The following EPB41L5 variants were observed in gnomAD, a reference collection of about 807,000 sequenced individuals.
EPB41L5 encodes erythrocyte membrane protein band 4.1 like 5, also known as band 4.1-like protein 5.
In EPB41L5, 55 loss-of-function variants were observed where a neutral mutation model predicts 106.6. The ratio of observed to expected loss-of-function variants is 0.52; its 90% CI spans 0.42 to 0.65. The LOEUF is 0.65. EPB41L5 is among the 30% of genes least tolerant of loss of function. The probability of loss-of-function intolerance (pLI) is 0.00; values close to 1 mark genes in which losing one functional copy is unlikely to be tolerated. For synonymous variants in EPB41L5, 297 were observed against 306.7 expected, an observed-to-expected ratio of 0.97 and a Z score of 0.33; for missense variants, 871 against 882.1, an observed-to-expected ratio of 0.99 and a Z score of 0.16.
intron 3 of EPB41L5, among the ~76,000 whole-genome samples, chr2:120,060,723 A>G (rs577821568): frequency 6.6e-6 from 1 of 152,282 alleles, no homozygotes; most frequent in East Asian, 1.9e-4. Flanking sequence ...TAAATGTGAT[A>G]AAATGACACA....
At chr2:120,024,159 T>C (rs1211815701) in intron 2 of EPB41L5, among the ~76,000 whole-genome samples, 1 of 152,202 alleles carries the variant, frequency 6.6e-6, no homozygotes, top group Non-Finnish European at 1.5e-5. Context: ...CCCATCTGAA[T>C]ACGCTTTATT....
chr2:120,035,992 T>C (rs1457566819), intron 2 of EPB41L5, among the ~76,000 whole-genome samples: 1 of 152,178 alleles, frequency 6.6e-6, no homozygotes, highest in Non-Finnish European at 1.5e-5. Flanking sequence ...TGTGGAAGGA[T>C]AATTGAGGTA....
At chr2:120,146,628 G>A (rs1174600198) in intron 20 of EPB41L5, among the ~76,000 whole-genome samples, 1 of 152,160 alleles carries the variant, frequency 6.6e-6, no homozygotes, top group East Asian at 1.9e-4. Flanking sequence ...CAATGGCCTT[G>A]TTCTTATCAA....
At chr2:120,120,469 A>AG (rs927306454) in intron 16 of EPB41L5, among the ~76,000 whole-genome samples, 5 of 151,394 alleles carry the variant, frequency 3.3e-5, no homozygotes, top group African/African-American at 1.2e-4. Flanking sequence ...ACAAGAAAAA[A>AG]GAAAAAAAAG....
At chr2:120,140,088 T>C (rs2105487810) in intron 18 of EPB41L5, among the ~76,000 whole-genome samples, 1 of 152,158 alleles carries the variant, frequency 6.6e-6, no homozygotes, top group East Asian at 1.9e-4. Context: ...TATGTTCTCA[T>C]TTATGGGAGC....
intron 2 of EPB41L5, among the ~76,000 whole-genome samples, chr2:120,027,172 C>T (rs1279561279): frequency 6.6e-6 from 1 of 152,170 alleles, no homozygotes; most frequent in Non-Finnish European, 1.5e-5. Context: ...TACCACCTGA[C>T]CCAACAGTTA....
chr2:120,048,916 G>A (rs1010187455), intron 3 of EPB41L5, among the ~76,000 whole-genome samples: 15 of 152,050 alleles, frequency 9.9e-5, no homozygotes, highest in African/African-American at 1.4e-4. Flanking sequence ...CCTTCATTTC[G>A]TTAGGTACCC....
chr2:120,106,508 A>T (rs1574682259), intron 16 of EPB41L5: 11 of 985,382 alleles, frequency 1.1e-5, no homozygotes, highest in Non-Finnish European at 1.1e-5. Flanking sequence ...GTCAGTGATG[A>T]TAAATTCGGA....
In EPB41L5 at chr2:120,176,111, A is replaced by G. The variant is rs992391379; in HGVS notation, c.*1204A>G. 3.9e-5 allele frequency: 6 copies of G among 152,642 alleles called. No homozygotes were observed. Among genetic ancestry groups the G allele is most frequent in the Non-Finnish European group, 8.8e-5 (6 of 68,036 alleles). 9.5% of individuals were successfully genotyped at this position (152,642 alleles called of 1,614,324 possible). Reference sequence around the variant, plus strand: ...TATACTCATCACAGAAAAATAAAGTATAGCAATGTCCATCTGTAATTCTAA... The same window carrying G: ...TATACTCATCACAGAAAAATAAAGTGTAGCAATGTCCATCTGTAATTCTAA... On this transcript the variant is annotated 3_prime_UTR_variant, in exon 25 of 25. Coordinates refer to ENST00000263713, the MANE Select transcript of EPB41L5 (RefSeq NM_020909.4).
intron 3 of EPB41L5, among the ~76,000 whole-genome samples, chr2:120,056,336 G>C (rs1168486181): frequency 6.9e-6 from 1 of 145,590 alleles, no homozygotes; most frequent in Non-Finnish European, 1.5e-5. Context: ...GTCTCGCTTT[G>C]TTGCCCAGGT....
intron 14 of EPB41L5, among the ~76,000 whole-genome samples, chr2:120,096,154 GA>G (rs1683740652): frequency 6.6e-6 from 1 of 151,844 alleles, no homozygotes; most frequent in East Asian, 1.9e-4. Flanking sequence ...TGTCTCACTA[GA>G]CTTTTTTCAA....
intron 22 of EPB41L5, 136 bp downstream of exon 22, chr2:120,165,046 T>C: frequency 1.6e-6 from 1 of 627,336 alleles, no homozygotes; most frequent in Non-Finnish European, 2.7e-6. Flanking sequence ...TAATAACCAC[T>C]TAGCATTGCC....
intron 16 of EPB41L5, among the ~76,000 whole-genome samples, chr2:120,112,308 A>C (rs1321729097): frequency 6.6e-6 from 1 of 152,140 alleles, no homozygotes; most frequent in Non-Finnish European, 1.5e-5. Context: ...TCCGTTTTTC[A>C]ACAGAATGTA....
intron 2 of EPB41L5, among the ~76,000 whole-genome samples, chr2:120,036,087 A>G (rs1319364122): frequency 6.6e-6 from 1 of 152,210 alleles, no homozygotes; most frequent in African/African-American, 2.4e-5. Context: ...TGATAGCAAT[A>G]ACTCAGACAG....
At chr2:120,128,500 TAAAC>T (rs1360155336) in intron 17 of EPB41L5, among the ~76,000 whole-genome samples, 1 of 152,204 alleles carries the variant, frequency 6.6e-6, no homozygotes, top group Non-Finnish European at 1.5e-5. Context: ...CCACCATCAT[TAAAC>T]AACTCAGAAA....
chr2:120,136,039 A>G (rs2105479307), intron 18 of EPB41L5, among the ~76,000 whole-genome samples: 1 of 151,828 alleles, frequency 6.6e-6, no homozygotes, highest in Middle Eastern at 3.4e-3. Flanking sequence ...ACTTTTCTAG[A>G]CATAATATAG....
At position 120,176,903 on chromosome 2, in the gene EPB41L5, C is replaced by T. The variant is rs904833295; in HGVS notation, c.*1996C>T. 2 of 152,148 alleles carry T rather than the reference C, an allele frequency of 1.3e-5. No individual in the cohort carries two copies. The highest frequency in any genetic ancestry group is 4.8e-5 in the African/African-American group (2 of 41,420). 9.4% of individuals were successfully genotyped at this position (152,148 alleles called of 1,614,324 possible). A position where few individuals can be genotyped will look rare whatever the true frequency, so the allele number is the denominator to read the frequency against. Reference sequence around the variant, plus strand: ...TAGGTAGTTGGACATAGTCTGTGACCTTTATGTCGTTGGATACCTGTATTC... The same window carrying T: ...TAGGTAGTTGGACATAGTCTGTGACTTTTATGTCGTTGGATACCTGTATTC... On this transcript the variant is annotated 3_prime_UTR_variant, in exon 25 of 25. Coordinates refer to ENST00000263713, the MANE Select transcript of EPB41L5 (RefSeq NM_020909.4).
rs1208031140 is a variant in EPB41L5, at chr2:120,175,215, C to T, written c.*308C>T. 3.9e-5 allele frequency: 13 copies of T among 330,368 alleles called. No homozygotes were observed. Among genetic ancestry groups the T allele is most frequent in the South Asian group, 3.6e-4 (10 of 27,454 alleles). 20.5% of individuals were successfully genotyped at this position (330,368 alleles called of 1,614,324 possible). On this transcript the variant is annotated 3_prime_UTR_variant, in exon 25 of 25. Coordinates refer to ENST00000263713, the MANE Select transcript of EPB41L5 (RefSeq NM_020909.4). ...CCTTCAAACTCTTGGCTCCACCTAG[C>T]GGTTCTATTTGTTCATAACAACTTC... is the stretch of plus-strand genomic sequence containing the variant.
At chr2:120,130,143 CAAA>C (rs11379919) in intron 17 of EPB41L5, among the ~76,000 whole-genome samples, 4 of 110,550 alleles carry the variant, frequency 3.6e-5, no homozygotes, top group African/African-American at 7.9e-5. Flanking sequence ...GACTCCATCT[CAAA>C]AAAAAAAAAA....
Sources: allele counts gnomAD v4.1 joint callset (sites outside exome capture counted in the v4.1 genomes callset), GRCh38; gene constraint gnomAD v4.1.1; transcripts MANE v1.5; gene names NCBI Gene and HGNC (gene_info 2026-07-23, HGNC 2026-07-21).